LRP1B: variants seen among roughly 807,000 people sequenced by gnomAD.
LRP1B encodes the protein low-density lipoprotein receptor-related protein 1B.
Under a neutral mutation model 556.6 loss-of-function variants are expected in LRP1B, and 217 were observed. The ratio of observed to expected loss-of-function variants is 0.39; its 90% CI spans 0.35 to 0.44. LRP1B has a LOEUF of 0.44. Ranked by LOEUF, LRP1B falls within the 20% of genes least tolerant of loss-of-function variation. The pLI, the probability that LRP1B is intolerant of heterozygous loss-of-function variation, is 1.00. For missense variants in LRP1B, 5,053 were observed against 5,620.8 expected (o/e 0.90, Z 3.23); for synonymous variants, 2,047 against 1,865.8 (o/e 1.10, Z -2.50).
In LRP1B at chr2:140,285,189, ATATC is replaced by A. The variant is rs1005794350; in HGVS notation, c.12968-10595_12968-10592del. ...TAGATACATATACATATCTACATCT[ATATC>A]TATATATGGATATCTATGGATAGAG... On this transcript the variant is annotated intron_variant, in intron 84 of 90. Coordinates refer to ENST00000389484, the MANE Select transcript of LRP1B (RefSeq NM_018557.3). Among the ~76,000 whole-genome samples the A allele has an allele frequency of 4.5e-4, 68 of 150,008 alleles. 1 individual carries two copies. The highest frequency in any genetic ancestry group is 1.3e-3 in the African/African-American group (55 of 40,858).
intron 87 of LRP1B, among the ~76,000 whole-genome samples, chr2:140,243,806 C>T (rs182696013): frequency 3.7e-4 from 56 of 151,176 alleles, no homozygotes; most frequent in Middle Eastern, 3.4e-3. Flanking sequence ...TCTTGCTCCA[C>T]GGTTGTTGTA....
intron 27 of LRP1B, among the ~76,000 whole-genome samples, chr2:140,855,405 C>T (rs191608252): frequency 1.4e-5 from 2 of 146,706 alleles, no homozygotes; most frequent in Admixed American, 7.1e-5. Flanking sequence ...ATAATCCCAG[C>T]ACTTTGGGAG....
chr2:140,555,887 A>G (rs1417359854), intron 43 of LRP1B, among the ~76,000 whole-genome samples: 1 of 152,106 alleles, frequency 6.6e-6, no homozygotes, highest in African/African-American at 2.4e-5. Context: ...TGTTATGTCT[A>G]TTTAGTAACT....
chr2:141,770,859 G>A (rs558172000), intron 2 of LRP1B, among the ~76,000 whole-genome samples: 3 of 152,224 alleles, frequency 2.0e-5, no homozygotes, highest in East Asian at 1.9e-4. Flanking sequence ...TTATCTTAAC[G>A]TTTTTCAATC....
Position 141,291,855 on chromosome 2 carries a change from CAAAAAAAAAAAAAAAAAAAAA to C in LRP1B, c.344-37235_344-37215del, listed in dbSNP as rs143819331. On this transcript the variant is annotated intron_variant, in intron 3 of 90. Coordinates refer to ENST00000389484, the MANE Select transcript of LRP1B (RefSeq NM_018557.3). ...TGGGCGAAAGAGCGAGACTCTGTCT[CAAAAAAAAAAAAAAAAAAAAA>C]AAAAAAAAAAAAAACTTGTTTGGGG... is the stretch of plus-strand genomic sequence containing the variant. 5.3e-3 allele frequency among the ~76,000 whole-genome samples: 531 copies of C among 99,286 alleles called. 4 individuals carry two copies. Among genetic ancestry groups the C allele is most frequent in the Middle Eastern group, 8.2e-3 (1 of 122 alleles). 65.1% of individuals were successfully genotyped at this position (99,286 alleles called of 152,430 possible). A position where few individuals can be genotyped will look rare whatever the true frequency, so the allele number is the denominator to read the frequency against.
intron 1 of LRP1B, among the ~76,000 whole-genome samples, chr2:141,899,095 T>C (rs1699541713): frequency 1.3e-5 from 2 of 152,124 alleles, no homozygotes. Flanking sequence ...ACAATATTGA[T>C]GCTAAGTTGA....
intron 66 of LRP1B, among the ~76,000 whole-genome samples, chr2:140,415,110 T>TG (rs1404804485): frequency 6.6e-6 from 1 of 152,072 alleles, no homozygotes; most frequent in Non-Finnish European, 1.5e-5. Context: ...CTTACTAGGG[T>TG]GGGGAAAAAC....
At chr2:142,033,978 TTG>T (rs1252963745) in intron 1 of LRP1B, among the ~76,000 whole-genome samples, 1 of 151,806 alleles carries the variant, frequency 6.6e-6, no homozygotes, top group Non-Finnish European at 1.5e-5. Flanking sequence ...ATGAAGCTCA[TTG>T]TGTTTGCATT....
intron 41 of LRP1B, among the ~76,000 whole-genome samples, chr2:140,676,946 C>T (rs952663962): frequency 6.6e-6 from 1 of 152,160 alleles, no homozygotes; most frequent in Admixed American, 6.5e-5. Context: ...ACATGTTTTT[C>T]ATATCAAAAT....
intron 2 of LRP1B, among the ~76,000 whole-genome samples, chr2:141,703,829 G>T (rs946415478): frequency 1.8e-4 from 28 of 151,880 alleles, no homozygotes; most frequent in Non-Finnish European, 4.0e-4. Context: ...TTGTTCATTT[G>T]CCAATGAGCT....
chr2:141,418,488 G>A (rs963071930), intron 3 of LRP1B, among the ~76,000 whole-genome samples: 1 of 148,636 alleles, frequency 6.7e-6, no homozygotes, highest in Non-Finnish European at 1.5e-5. Context: ...TTGTTGAAGA[G>A]GCTACCCTTT....
intron 49 of LRP1B, among the ~76,000 whole-genome samples, chr2:140,521,471 T>G (rs1401353367): frequency 6.6e-6 from 1 of 151,966 alleles, no homozygotes; most frequent in Non-Finnish European, 1.5e-5. Flanking sequence ...AAATAAAGTC[T>G]TTCCCAGACA....
intron 2 of LRP1B, among the ~76,000 whole-genome samples, chr2:141,716,924 C>T (rs957814897): frequency 1.3e-5 from 2 of 151,652 alleles, no homozygotes; most frequent in African/African-American, 4.8e-5. Context: ...ACTGCCAAGA[C>T]TTTCTAAATA....
At chr2:140,836,692 CA>C (rs1438030015) in intron 31 of LRP1B, among the ~76,000 whole-genome samples, 1 of 151,984 alleles carries the variant, frequency 6.6e-6, no homozygotes, top group African/African-American at 2.4e-5. Context: ...CTGGGGCAGA[CA>C]GAGATGTGAC....
At chr2:141,065,418 T>A (rs577276450) in intron 7 of LRP1B, among the ~76,000 whole-genome samples, 6 of 152,068 alleles carry the variant, frequency 3.9e-5, no homozygotes, top group Non-Finnish European at 5.9e-5. Flanking sequence ...ATAGAAAAAA[T>A]TTCTGATTCA....
chr2:141,687,415 TA>T (rs1393643564), intron 2 of LRP1B, among the ~76,000 whole-genome samples: 1 of 152,034 alleles, frequency 6.6e-6, no homozygotes, highest in African/African-American at 2.4e-5. Context: ...CCAAAATTTA[TA>T]ATAAATTAAT....
At chr2:141,206,354 G>A (rs1682280976) in intron 6 of LRP1B, among the ~76,000 whole-genome samples, 1 of 152,182 alleles carries the variant, frequency 6.6e-6, no homozygotes, top group African/African-American at 2.4e-5. Context: ...GGCCGAGGCG[G>A]GCAGATCATG....
chr2:140,901,881 A>C (rs1694115551), intron 23 of LRP1B, among the ~76,000 whole-genome samples: 1 of 152,050 alleles, frequency 6.6e-6, no homozygotes, highest in Non-Finnish European at 1.5e-5. Flanking sequence ...ATATTCCCCC[A>C]CAGAGAGGAT....
intron 43 of LRP1B, among the ~76,000 whole-genome samples, chr2:140,583,175 T>TCTTTTC (rs1553491152): frequency 9.5e-5 from 13 of 137,528 alleles, no homozygotes; most frequent in African/African-American, 1.1e-4. Flanking sequence ...TTTTTTCTTT[T>TCTTTTC]TTTTTTTTTT....
Sources: gnomAD v4.1 joint callset for allele counts (sites outside exome capture counted in the v4.1 genomes callset) on GRCh38, gnomAD v4.1.1 for gene constraint, MANE v1.5 for transcripts, NCBI Gene and HGNC (gene_info 2026-07-23, HGNC 2026-07-21) for gene names.